TMEM181: variants seen among roughly 807,000 people sequenced by gnomAD.
TMEM181 encodes the protein transmembrane protein 181, also known as G protein-coupled receptor 178.
A neutral mutation model predicts 71.9 loss-of-function variants in TMEM181; 39 were observed. That is an observed-to-expected ratio of 0.54 (90% CI 0.42 to 0.71). The LOEUF (loss-of-function observed/expected upper bound fraction) is 0.71. Ranked by LOEUF, TMEM181 falls within the 30% of genes least tolerant of loss-of-function variation. The pLI is 0.00. For synonymous variants in TMEM181, 245 were observed against 228.8 expected (o/e 1.07, Z -0.64); for missense variants, 595 against 583.0 (o/e 1.02, Z -0.21).
At chr6:158,546,948 A>C (rs1183952276) in intron 1 of TMEM181, among the ~76,000 whole-genome samples, 1 of 151,834 alleles carries the variant, frequency 6.6e-6, no homozygotes, top group Non-Finnish European at 1.5e-5. Flanking sequence ...CGACACAGCG[A>C]GACTCCATCT....
chr6:158,548,434 C>T (rs1327687699), intron 1 of TMEM181, among the ~76,000 whole-genome samples: 1 of 152,190 alleles, frequency 6.6e-6, no homozygotes, highest in Non-Finnish European at 1.5e-5. Flanking sequence ...AGGAGGGTGG[C>T]CAACGATCCT....
At chr6:158,572,243 G>A (rs1782895624) in intron 1 of TMEM181, among the ~76,000 whole-genome samples, 1 of 152,200 alleles carries the variant, frequency 6.6e-6, no homozygotes, top group African/African-American at 2.4e-5. Context: ...GCGGGGATGT[G>A]GGCACGCAGG....
intron 15 of TMEM181, 137 bp from the exon 16 acceptor site, chr6:158,631,186 G>A (rs1786643992): frequency 1.1e-6 from 1 of 882,046 alleles, no homozygotes; most frequent in South Asian, 1.5e-5. Flanking sequence ...GATGTGTTCA[G>A]GTTTATACAG....
At chr6:158,599,813 C>T (rs935420976) in intron 6 of TMEM181, among the ~76,000 whole-genome samples, 11 of 152,252 alleles carry the variant, frequency 7.2e-5, no homozygotes, top group African/African-American at 2.4e-4. Flanking sequence ...AAAACTCAGC[C>T]TTTCAGGCCC....
intron 2 of TMEM181, among the ~76,000 whole-genome samples, chr6:158,580,064 C>A (rs886594227): frequency 6.6e-6 from 1 of 152,194 alleles, no homozygotes; most frequent in African/African-American, 2.4e-5. Flanking sequence ...GGCGCAGTGG[C>A]TCACGCCTGT....
intron 1 of TMEM181, among the ~76,000 whole-genome samples, chr6:158,572,082 C>G (rs1782883995): frequency 6.6e-6 from 1 of 152,212 alleles, no homozygotes; most frequent in African/African-American, 2.4e-5. Context: ...TGCTCACTGC[C>G]CAGGTGGCCA....
At chr6:158,573,332 T>G (rs1356287149) in intron 1 of TMEM181, 88 bp from the exon 2 acceptor site, 9 of 912,444 alleles carry the variant, frequency 9.9e-6, no homozygotes, top group Non-Finnish European at 1.5e-5. Context: ...GGCAGTGTCG[T>G]GTGGGGAGGG....
intron 13 of TMEM181, 79 bp from the exon 14 acceptor site, chr6:158,628,329 G>T (rs1264343212): frequency 7.5e-7 from 1 of 1,341,588 alleles, no homozygotes; most frequent in Non-Finnish European, 1.1e-6. Context: ...GCTTGAATGG[G>T]GTGAATAGAG....
At chr6:158,608,530 G>T (rs1306224405) in intron 9 of TMEM181, 67 bp downstream of exon 9, 3 of 1,611,842 alleles carry the variant, frequency 1.9e-6, no homozygotes, top group Non-Finnish European at 2.5e-6. Flanking sequence ...GAACTCTGAG[G>T]ACAGCCCAGA....
At chr6:158,605,230 A>G (rs748617318) in intron 6 of TMEM181, 37 bp from the exon 7 acceptor site, 4 of 1,551,506 alleles carry the variant, frequency 2.6e-6, no homozygotes, top group Admixed American at 1.7e-5. Context: ...ATGCATATAT[A>G]TTTTTTTCAA....
At chr6:158,553,685 G>A (rs914772514) in intron 1 of TMEM181, among the ~76,000 whole-genome samples, 2 of 152,164 alleles carry the variant, frequency 1.3e-5, no homozygotes, top group Non-Finnish European at 2.9e-5. Flanking sequence ...ATATTAATAT[G>A]TTGGCAATTG....
At chr6:158,537,239 C>A (rs977070572) in intron 1 of TMEM181, among the ~76,000 whole-genome samples, 1 of 152,046 alleles carries the variant, frequency 6.6e-6, no homozygotes, top group African/African-American at 2.4e-5. Flanking sequence ...TCGCCGCCCC[C>A]GCTCGGGCCT....
chr6:158,586,104 A>C (rs916005880), intron 5 of TMEM181, among the ~76,000 whole-genome samples: 3 of 152,188 alleles, frequency 2.0e-5, no homozygotes, highest in African/African-American at 7.2e-5. Flanking sequence ...TCAGGGGCCT[A>C]CCTTTTTGAG....
intron 3 of TMEM181, among the ~76,000 whole-genome samples, chr6:158,583,428 G>T (rs1319589162): frequency 2.6e-5 from 4 of 152,126 alleles, no homozygotes; most frequent in Non-Finnish European, 1.5e-5. Flanking sequence ...AGAGATTTCT[G>T]TGAGAGACAG....
At chr6:158,543,504 C>T (rs1325379327) in intron 1 of TMEM181, among the ~76,000 whole-genome samples, 2 of 152,238 alleles carry the variant, frequency 1.3e-5, no homozygotes, top group East Asian at 3.9e-4. Flanking sequence ...TCTCCTGGTT[C>T]TAAGGCCAGA....
At chr6:158,558,819 C>A (rs1186301682), upstream of TMEM181, among the ~76,000 whole-genome samples, 1 of 152,130 alleles carries the variant, frequency 6.6e-6, no homozygotes, top group Non-Finnish European at 1.5e-5. Flanking sequence ...ATTTAACAGG[C>A]TCCGGGGTTG....
chr6:158,605,131 A>AAAAGTGTGTGT, intron 6 of TMEM181, 136 bp from the exon 7 acceptor site: 1 of 159,686 alleles, frequency 6.3e-6, no homozygotes. Flanking sequence ...AAAAAAAAAA[A>AAAAGTGTGTGT]GTGTGTGTGT....
intron 15 of TMEM181, among the ~76,000 whole-genome samples, chr6:158,631,048 G>A (rs1303094087): frequency 6.6e-5 from 10 of 152,236 alleles, no homozygotes; most frequent in Admixed American, 6.5e-4. Context: ...TCAACAGGAG[G>A]CAGCTCGTGC....
intron 6 of TMEM181, among the ~76,000 whole-genome samples, chr6:158,592,001 G>T (rs1202177120): frequency 6.6e-6 from 1 of 152,168 alleles, no homozygotes; most frequent in Non-Finnish European, 1.5e-5. Flanking sequence ...TTCAAAAGAC[G>T]TTACCATGGG....
Sources: allele counts gnomAD v4.1 joint callset (sites outside exome capture counted in the v4.1 genomes callset), GRCh38; gene constraint gnomAD v4.1.1; transcripts MANE v1.5; gene names NCBI Gene and HGNC (gene_info 2026-07-23, HGNC 2026-07-21).